CNTN5: variants seen among roughly 807,000 people sequenced by gnomAD.
The protein encoded by CNTN5 is contactin 5.
Under a neutral mutation model 129.1 loss-of-function variants are expected in CNTN5, and 77 were observed. The ratio of observed to expected loss-of-function variants is 0.60; its 90% CI spans 0.50 to 0.72. The LOEUF (loss-of-function observed/expected upper bound fraction) is 0.72, where lower values mean the gene tolerates loss of function less well. CNTN5 is among the 30% of genes least tolerant of loss of function. The pLI is 0.00. For missense variants in CNTN5, 1,478 were observed against 1,328.8 expected, an observed-to-expected ratio of 1.11 and a Z score of -1.75; for synonymous variants, 509 against 465.6, an observed-to-expected ratio of 1.09 and a Z score of -1.20.
chr11:99,648,835 C>T (rs1565387468), intron 3 of CNTN5, among the ~76,000 whole-genome samples: 1 of 151,740 alleles, frequency 6.6e-6, no homozygotes, highest in Non-Finnish European at 1.5e-5. Context: ...ATGTCCCACT[C>T]ATATGCAGAA....
chr11:99,201,138 C>T (rs774224930), intron 1 of CNTN5, among the ~76,000 whole-genome samples: 4 of 149,508 alleles, frequency 2.7e-5, no homozygotes, highest in African/African-American at 9.8e-5. Flanking sequence ...GATTCTCCTG[C>T]GTCAGCCTCC....
chr11:100,075,595 T>A (rs1376057226), intron 13 of CNTN5, among the ~76,000 whole-genome samples: 1 of 152,162 alleles, frequency 6.6e-6, no homozygotes, highest in African/African-American at 2.4e-5. Flanking sequence ...CTAATGGTTA[T>A]AGACTGAGAG....
At chr11:99,297,061 A>T (rs1168356876) in intron 1 of CNTN5, among the ~76,000 whole-genome samples, 1 of 152,218 alleles carries the variant, frequency 6.6e-6, no homozygotes, top group Non-Finnish European at 1.5e-5. Flanking sequence ...AGGAGTCTAG[A>T]GTAGTTAAAT....
At chr11:99,929,144 A>G (rs1285168039) in intron 7 of CNTN5, among the ~76,000 whole-genome samples, 1 of 152,086 alleles carries the variant, frequency 6.6e-6, no homozygotes, top group African/African-American at 2.4e-5. Context: ...CAAGTTCCTC[A>G]TCTCCATCGG....
At chr11:99,996,236 A>G (rs556487912) in intron 8 of CNTN5, among the ~76,000 whole-genome samples, 7 of 152,028 alleles carry the variant, frequency 4.6e-5, no homozygotes, top group African/African-American at 1.4e-4. Context: ...TTTTATTACT[A>G]TTATTACAGC....
chr11:99,410,025 A>G (rs1854202244), intron 2 of CNTN5, among the ~76,000 whole-genome samples: 1 of 152,204 alleles, frequency 6.6e-6, no homozygotes, highest in African/African-American at 2.4e-5. Flanking sequence ...TCTGGGAGTT[A>G]TAAGGTGTTT....
intron 16 of CNTN5, among the ~76,000 whole-genome samples, chr11:100,238,294 A>C (rs1488191392): frequency 6.6e-6 from 1 of 151,992 alleles, no homozygotes; most frequent in Non-Finnish European, 1.5e-5. Flanking sequence ...TTACCCAACC[A>C]ATCAGTATAG....
At chr11:99,930,990 T>G (rs1252376135) in intron 7 of CNTN5, among the ~76,000 whole-genome samples, 1 of 152,124 alleles carries the variant, frequency 6.6e-6, no homozygotes, top group African/African-American at 2.4e-5. Context: ...GAGTAAAAAA[T>G]GTATAAATTA....
intron 1 of CNTN5, among the ~76,000 whole-genome samples, chr11:99,231,165 A>T (rs1860974529): frequency 6.6e-6 from 1 of 152,160 alleles, no homozygotes; most frequent in African/African-American, 2.4e-5. Context: ...TTGGGTATAT[A>T]CCCAGTAACG....
At chr11:100,217,442 G>A (rs1949163042) in intron 15 of CNTN5, among the ~76,000 whole-genome samples, 1 of 152,136 alleles carries the variant, frequency 6.6e-6, no homozygotes, top group Admixed American at 6.5e-5. Context: ...ACATAATTGT[G>A]CATGTGCTAT....
At chr11:99,033,489 T>C (rs1303991291) in intron 1 of CNTN5, among the ~76,000 whole-genome samples, 4 of 152,214 alleles carry the variant, frequency 2.6e-5, no homozygotes, top group Admixed American at 2.6e-4. Flanking sequence ...TTCACATCCG[T>C]TGTAAGTTGG....
At chr11:99,724,585 G>A (rs150899772) in intron 3 of CNTN5, among the ~76,000 whole-genome samples, 15 of 152,234 alleles carry the variant, frequency 9.9e-5, no homozygotes, top group Admixed American at 3.9e-4. Context: ...ATGAGAAAGC[G>A]AAGAACAGAA....
At chr11:99,435,702 C>G (rs139160813) in intron 2 of CNTN5, among the ~76,000 whole-genome samples, 157 of 152,262 alleles carry the variant, frequency 1.0e-3, no homozygotes, top group African/African-American at 3.4e-3. Flanking sequence ...ATATCCAGTA[C>G]TTGATATTGG....
rs115718687 is a variant in CNTN5 at position 100,092,030 on chromosome 11, A to G, written c.1580+17736A>G. On this transcript the variant is annotated intron_variant, in intron 13 of 24. Coordinates refer to ENST00000524871, the MANE Select transcript of CNTN5 (RefSeq NM_014361.4). ...ATACCACTCTGAATTTCTTTGAAAA[A>G]ATATAATAACAAAAATCATATTATT... Among the ~76,000 whole-genome samples, 110 of 152,254 alleles carry G rather than the reference A, an allele frequency of 7.2e-4. 1 individual carries two copies. The highest frequency in any genetic ancestry group is 2.6e-3 in the African/African-American group (108 of 41,570).
chr11:99,240,338 G>A (rs1399818373), intron 1 of CNTN5, among the ~76,000 whole-genome samples: 1 of 152,214 alleles, frequency 6.6e-6, no homozygotes, highest in African/African-American at 2.4e-5. Flanking sequence ...TAGAGAACGG[G>A]CATTATCTGT....
intron 6 of CNTN5, among the ~76,000 whole-genome samples, chr11:99,851,598 A>T (rs924200282): frequency 1.3e-5 from 2 of 152,196 alleles, no homozygotes; most frequent in Non-Finnish European, 2.9e-5. Context: ...CAGGAATAAA[A>T]TCTCCTTATG....
intron 3 of CNTN5, among the ~76,000 whole-genome samples, chr11:99,781,509 G>C (rs1307460995): frequency 1.3e-5 from 2 of 152,066 alleles, no homozygotes; most frequent in Non-Finnish European, 1.5e-5. Context: ...TTATCTTGTA[G>C]CTACTATACC....
chr11:99,686,697 G>T (rs1362839364), intron 3 of CNTN5, among the ~76,000 whole-genome samples: 2 of 151,942 alleles, frequency 1.3e-5, no homozygotes, highest in African/African-American at 2.4e-5. Context: ...GGGACTTTAG[G>T]TGTCAACAGA....
chr11:99,234,319 G>T (rs1335167233), intron 1 of CNTN5, among the ~76,000 whole-genome samples: 1 of 152,048 alleles, frequency 6.6e-6, no homozygotes, highest in Non-Finnish European at 1.5e-5. Context: ...AGAAAAGAGA[G>T]GGAATATGTT....
Sources: allele counts gnomAD v4.1 joint callset (sites outside exome capture counted in the v4.1 genomes callset), GRCh38; gene constraint gnomAD v4.1.1; transcripts MANE v1.5; gene names NCBI Gene and HGNC (gene_info 2026-07-23, HGNC 2026-07-21).